IGF2R: variants seen among roughly 807,000 people sequenced by gnomAD.
IGF2R encodes the protein cation-independent mannose-6-phosphate receptor.
Under a neutral mutation model 270.6 loss-of-function variants are expected in IGF2R, and 91 were observed. That is an observed-to-expected ratio of 0.34 (90% CI 0.28 to 0.40). IGF2R has a LOEUF of 0.40. Ranked by LOEUF, IGF2R falls within the 10% of genes least tolerant of loss-of-function variation. The pLI is 1.00. For missense variants in IGF2R, 2,805 were observed against 3,188.3 expected (o/e 0.88, Z 2.90); for synonymous variants, 1,316 against 1,258.9 (o/e 1.05, Z -0.96).
At chr6:160,101,137 G>T (rs965641075) in intron 45 of IGF2R, among the ~76,000 whole-genome samples, 1 of 151,982 alleles carries the variant, frequency 6.6e-6, no homozygotes, top group African/African-American at 2.4e-5. Context: ...CATACATGAT[G>T]CAATTAAGTT....
At position 160,079,648 on chromosome 6, in the gene IGF2R, C is replaced by G; in HGVS notation, c.5547C>G (p.Gly1849=). The G allele has an allele frequency of 6.4e-7, 1 of 1,568,648 alleles. No homozygotes were observed. The highest frequency in any genetic ancestry group is 8.6e-7 in the Non-Finnish European group (1 of 1,158,262). The change falls in exon 38 of 48, where the codon GGC becomes GGG. Residue 1849 remains glycine (G), a synonymous_variant. Transcript: ENST00000356956. ...CTFAVGPEQG[G]CKDGGVCLLS... ...TTGCAGTCGGGCCAGAACAAGGAGG[C>G]TGTAAGGACGGAGGAGTCTGTCTGC... is the stretch of plus-strand genomic sequence containing the variant.
Position 160,103,451 on chromosome 6 carries a change from C to T in IGF2R, c.6996-295C>T, listed in dbSNP as rs1450436457. Among the ~76,000 whole-genome samples, 4 of 152,308 alleles carry T rather than the reference C, an allele frequency of 2.6e-5. No individual in the cohort carries two copies. The East Asian group carries it at 5.8e-4, about 22-fold the overall frequency. ...CACCATTGGGCAGGCTTAGTGGCGACGGACTGGTGTGGTCCTGTTAGTCAT... is the reference window on the plus strand; with the variant it reads ...CACCATTGGGCAGGCTTAGTGGCGATGGACTGGTGTGGTCCTGTTAGTCAT... On this transcript the variant is annotated intron_variant, in intron 46 of 47. Transcript: ENST00000356956.
chr6:160,033,156 A>C, intron 9 of IGF2R, 49 bp downstream of exon 9: 2 of 1,455,816 alleles, frequency 1.4e-6, no homozygotes, highest in Non-Finnish European at 1.9e-6. Context: ...GTATTTCTTG[A>C]GATAGGGTTG....
At chr6:160,000,728 GTTTTTTTTTTTT>G (rs59215791) in intron 2 of IGF2R, among the ~76,000 whole-genome samples, 3 of 69,948 alleles carry the variant, frequency 4.3e-5, no homozygotes, top group East Asian at 1.1e-3. Context: ...GTGTGAGGTT[GTTTTTTTTTTTT>G]TTTTTTTTTT....
chr6:160,093,186 G>C, intron 44 of IGF2R: 1 of 167,736 alleles, frequency 6.0e-6, no homozygotes, highest in South Asian at 1.7e-4. Context: ...AGTGCACATG[G>C]AGTATCATCA....
At chr6:160,085,181 G>A (rs763885205) in intron 41 of IGF2R, 50 bp downstream of exon 41, 9 of 1,581,490 alleles carry the variant, frequency 5.7e-6, no homozygotes, top group Non-Finnish European at 7.8e-6. Context: ...CATCTGAACC[G>A]GGAAGGTGAG....
At chr6:160,082,964 G>A (rs1562372508) in intron 39 of IGF2R, among the ~76,000 whole-genome samples, 2 of 152,218 alleles carry the variant, frequency 1.3e-5, no homozygotes, top group Non-Finnish European at 2.9e-5. Flanking sequence ...CGGGTGGGAT[G>A]AGAGACTGAG....
intron 35 of IGF2R, 62 bp downstream of exon 35, chr6:160,074,037 C>G: frequency 8.1e-7 from 1 of 1,237,640 alleles, no homozygotes; most frequent in Non-Finnish European, 1.2e-6. Flanking sequence ...ATAACCTTTG[C>G]GTTGTTTCTT....
chr6:159,983,158 A>G (rs1229012047), intron 1 of IGF2R, among the ~76,000 whole-genome samples: 1 of 152,228 alleles, frequency 6.6e-6, no homozygotes, highest in Non-Finnish European at 1.5e-5. Context: ...AACTCTAGGC[A>G]GCTGTGTCGG....
intron 5 of IGF2R, among the ~76,000 whole-genome samples, chr6:160,026,479 A>G (rs906076633): frequency 6.6e-6 from 1 of 152,198 alleles, no homozygotes; most frequent in African/African-American, 2.4e-5. Context: ...ATAGCACTGA[A>G]CTCACCACAG....
chr6:159,986,583 C>T (rs377435601), intron 1 of IGF2R, among the ~76,000 whole-genome samples: 1 of 152,044 alleles, frequency 6.6e-6, no homozygotes, highest in Admixed American at 6.6e-5. Flanking sequence ...TTCTTTCTTT[C>T]AGAAAATGTA....
intron 44 of IGF2R, among the ~76,000 whole-genome samples, chr6:160,090,630 A>G (rs1267578693): frequency 6.6e-6 from 1 of 152,254 alleles, no homozygotes; most frequent in Non-Finnish European, 1.5e-5. Context: ...CCCTCACATA[A>G]TCGTGAAAGG....
At chr6:160,040,420 A>G (rs1373544302) in intron 10 of IGF2R, 140 bp from the exon 11 acceptor site, 4 of 652,348 alleles carry the variant, frequency 6.1e-6, no homozygotes, top group Admixed American at 2.8e-5. Flanking sequence ...TCAGATCCCC[A>G]TGGTCTCTAA....
chr6:160,058,831 G>A, intron 21 of IGF2R, 75 bp from the exon 22 acceptor site: 1 of 1,285,826 alleles, frequency 7.8e-7, no homozygotes, highest in South Asian at 1.3e-5. Flanking sequence ...GGGATTTGGA[G>A]TTGCTAGGGT....
chr6:160,084,964 C>A lies in IGF2R; in HGVS notation c.6069-31C>A. ...CAGGGCAGAGACGTCACTTGCATGC[C>A]TTTTACCTGCCCCTTTGTGTCGTTT... On this transcript the variant is annotated intron_variant, in intron 40 of 47. Coordinates refer to ENST00000356956, the MANE Select transcript of IGF2R (RefSeq NM_000876.4). The surrounding 1 kb of genome is among the most constrained non-coding windows in gnomAD (Gnocchi z 4.6). The A allele has an allele frequency of 6.2e-7, 1 of 1,601,574 alleles. No individual in the cohort carries two copies. The highest frequency in any genetic ancestry group is 8.5e-7 in the Non-Finnish European group (1 of 1,169,956).
At chr6:160,046,074 G>A (rs796218468) in intron 14 of IGF2R, among the ~76,000 whole-genome samples, 192 bp downstream of exon 14, 11 of 152,254 alleles carry the variant, frequency 7.2e-5, no homozygotes, top group African/African-American at 2.4e-4. Flanking sequence ...ATTCATTATT[G>A]AGGTGGTTTT....
intron 1 of IGF2R, among the ~76,000 whole-genome samples, chr6:159,989,914 A>G (rs948264578): frequency 6.6e-6 from 1 of 152,252 alleles, no homozygotes; most frequent in East Asian, 1.9e-4. Context: ...TGTCCCAAGT[A>G]TACTGATTGA....
chr6:160,000,683 G>A (rs920035817), intron 2 of IGF2R, among the ~76,000 whole-genome samples: 3 of 148,928 alleles, frequency 2.0e-5, no homozygotes, highest in Non-Finnish European at 4.4e-5. Context: ...TAGGAAGACG[G>A]TTGTCTCTAA....
chr6:160,043,185 G>C lies in IGF2R; in HGVS notation c.1518G>C (p.Gln506His). 3.1e-6 allele frequency: 5 copies of C among 1,614,228 alleles called. No individual in the cohort carries two copies. Among genetic ancestry groups the C allele is most frequent in the Non-Finnish European group, 4.2e-6 (5 of 1,180,034 alleles). Residue 506 changes from glutamine to histidine, a missense_variant, in exon 12 of 48, where the codon CAG becomes CAC. Physicochemically the swap from Gln to His is conservative, Grantham distance 24. This residue lies in a region of IGF2R where 954 missense variants were observed against 981.1 expected (regional missense o/e 0.97). Coordinates refer to ENST00000356956, the MANE Select transcript of IGF2R (RefSeq NM_000876.4). ...EQNWEAVDGSQTETEKKHFFI... is the reference protein window; with the variant it reads ...EQNWEAVDGSHTETEKKHFFI... ...ATTGGGAAGCTGTGGATGGCAGTCAGACGGAAACAGAGAAGAAGCATTTTT... is the reference window on the plus strand; with the variant it reads ...ATTGGGAAGCTGTGGATGGCAGTCACACGGAAACAGAGAAGAAGCATTTTT...
Sources: gnomAD v4.1 joint callset for allele counts (sites outside exome capture counted in the v4.1 genomes callset) on GRCh38, gnomAD v4.1.1 for gene constraint, gnomAD v4.1.1 regional missense constraint, Gnocchi (gnomAD v3.1) non-coding constraint, MANE v1.5 for transcripts, NCBI Gene and HGNC (gene_info 2026-07-23, HGNC 2026-07-21) for gene names.